The following ANAPC10 variants were observed in gnomAD, a reference collection of about 807,000 sequenced individuals.
ANAPC10 encodes the protein anaphase promoting complex subunit 10.
ANAPC10 carries 12 observed loss-of-function variants against 22.0 expected under a neutral mutation model. The ratio of observed to expected loss-of-function variants is 0.55; its 90% confidence interval spans 0.35 to 0.88. The LOEUF is 0.88. ANAPC10 is among the 40% of genes least tolerant of loss of function. The pLI is 0.01. For synonymous variants in ANAPC10, 65 were observed against 69.5 expected, an observed-to-expected ratio of 0.94 and a Z score of 0.32; for missense variants, 188 against 220.9, an observed-to-expected ratio of 0.85 and a Z score of 0.94.
At chr4:145,072,946 G>A (rs1270550655) in intron 3 of ANAPC10, among the ~76,000 whole-genome samples, 1 of 150,934 alleles carries the variant, frequency 6.6e-6, no homozygotes, top group Non-Finnish European at 1.5e-5. Flanking sequence ...CACCCAGGCT[G>A]GAGTGCAGTG....
At chr4:145,046,634 C>T (rs566569449) in intron 4 of ANAPC10, among the ~76,000 whole-genome samples, 2 of 152,164 alleles carry the variant, frequency 1.3e-5, no homozygotes, top group African/African-American at 4.8e-5. Context: ...GCCACTGATG[C>T]TGTAGTTTCA....
chr4:145,092,097 T>C (rs547933189), intron 2 of ANAPC10, among the ~76,000 whole-genome samples: 2 of 152,076 alleles, frequency 1.3e-5, no homozygotes, highest in South Asian at 2.1e-4. Flanking sequence ...TTCTCGCTTA[T>C]AAATAGGAGC....
At chr4:145,079,128 C>T (rs868512946) in intron 3 of ANAPC10, among the ~76,000 whole-genome samples, 6 of 152,164 alleles carry the variant, frequency 3.9e-5, no homozygotes, top group Middle Eastern at 3.4e-3. Flanking sequence ...TATTTGCAAA[C>T]TATGCATCTG....
chr4:145,094,547 T>A (rs1748196132), intron 2 of ANAPC10, among the ~76,000 whole-genome samples: 1 of 152,080 alleles, frequency 6.6e-6, no homozygotes, highest in South Asian at 2.1e-4. Flanking sequence ...CAGAAGAGGC[T>A]TGGTTGAGAG....
chr4:145,092,900 G>A (rs1198199965), intron 2 of ANAPC10, among the ~76,000 whole-genome samples: 3 of 152,120 alleles, frequency 2.0e-5, no homozygotes, highest in Non-Finnish European at 4.4e-5. Flanking sequence ...CTGAGAGAGG[G>A]GCAAACAACA....
intron 3 of ANAPC10, among the ~76,000 whole-genome samples, chr4:145,078,372 A>G (rs1385256241): frequency 1.3e-5 from 2 of 152,222 alleles, no homozygotes; most frequent in African/African-American, 4.8e-5. Flanking sequence ...AAAATCAGAC[A>G]TGACACAAAC....
intron 4 of ANAPC10, among the ~76,000 whole-genome samples, chr4:145,009,558 A>C (rs1425360190): frequency 6.6e-6 from 1 of 152,182 alleles, no homozygotes; most frequent in African/African-American, 2.4e-5. Context: ...CCTGACAAAA[A>C]CAAGAAATGG....
At chr4:145,088,441 T>G (rs1268854448) in intron 2 of ANAPC10, among the ~76,000 whole-genome samples, 2 of 152,218 alleles carry the variant, frequency 1.3e-5, no homozygotes, top group African/African-American at 4.8e-5. Context: ...AAATTATTTA[T>G]TTTTTGACCC....
At position 145,095,904 on chromosome 4, in the gene ANAPC10, C is replaced by A; in HGVS notation, c.115+81G>T. On this transcript the variant is annotated intron_variant, in intron 2 of 4. Transcript: ENST00000507656. ...ATCCACTGGGAGTCCTGGAATGTAT[C>A]CCCTGGGATAAGGGGAGATGCCTGT... 5 of 1,586,754 alleles carry A rather than the reference C, an allele frequency of 3.2e-6. No homozygotes were observed. The South Asian group carries it at 3.3e-5, about 11-fold the overall frequency.
intron 4 of ANAPC10, chr4:145,032,950 A>T (rs932124056): frequency 6.6e-6 from 1 of 152,242 alleles, no homozygotes; most frequent in African/African-American, 2.4e-5. Flanking sequence ...TGCCTTATCC[A>T]TTGTCATGGT....
intron 2 of ANAPC10, among the ~76,000 whole-genome samples, chr4:145,087,272 C>T (rs1747035709): frequency 6.6e-6 from 1 of 152,178 alleles, no homozygotes; most frequent in South Asian, 2.1e-4. Context: ...AGCAGCCCAG[C>T]TTAGACTGCC....
At chr4:145,035,354 C>G (rs1738355062) in intron 4 of ANAPC10, 1 of 152,186 alleles carries the variant, frequency 6.6e-6, no homozygotes, top group South Asian at 2.1e-4. Context: ...CTCACAGAAT[C>G]CCCAAACAAG....
chr4:145,088,710 T>C (rs773029381), intron 2 of ANAPC10, among the ~76,000 whole-genome samples: 3 of 152,206 alleles, frequency 2.0e-5, no homozygotes, highest in Non-Finnish European at 4.4e-5. Context: ...TATCAACCAT[T>C]ATCCACAGTG....
At chr4:145,094,553 G>A (rs1748197248) in intron 2 of ANAPC10, among the ~76,000 whole-genome samples, 2 of 152,184 alleles carry the variant, frequency 1.3e-5, no homozygotes, top group Admixed American at 6.5e-5. Context: ...AGGCTTGGTT[G>A]AGAGGATGGA....
intron 4 of ANAPC10, among the ~76,000 whole-genome samples, chr4:145,025,999 G>A (rs1560838814): frequency 1.3e-5 from 2 of 152,084 alleles, no homozygotes; most frequent in Admixed American, 6.6e-5. Flanking sequence ...AGACTAGATG[G>A]CAGCACCTGA....
chr4:145,030,296 C>T (rs1028156268), intron 4 of ANAPC10, among the ~76,000 whole-genome samples: 4 of 152,178 alleles, frequency 2.6e-5, no homozygotes, highest in African/African-American at 4.8e-5. Context: ...ACCAGAACCC[C>T]TTGAATGAAG....
At chr4:145,094,333 AG>A (rs533309385) in intron 2 of ANAPC10, among the ~76,000 whole-genome samples, 158 of 152,332 alleles carry the variant, frequency 1.0e-3, no homozygotes, top group African/African-American at 3.4e-3. Context: ...GGAAAGGCCC[AG>A]AAGACTGACC....
intron 3 of ANAPC10, among the ~76,000 whole-genome samples, chr4:145,066,838 G>C (rs952800839): frequency 6.6e-6 from 1 of 151,578 alleles, no homozygotes; most frequent in African/African-American, 2.4e-5. Flanking sequence ...TAGTAGGAGG[G>C]AACAGTTGAA....
intron 4 of ANAPC10, among the ~76,000 whole-genome samples, chr4:145,052,878 ACT>A (rs1454635081): frequency 7.1e-6 from 1 of 141,718 alleles, no homozygotes; most frequent in Non-Finnish European, 1.5e-5. Context: ...ACAGAGCGAG[ACT>A]CTGTCTCAAA....
Sources: allele counts gnomAD v4.1 joint callset (sites outside exome capture counted in the v4.1 genomes callset), GRCh38; gene constraint gnomAD v4.1.1; transcripts MANE v1.5; gene names NCBI Gene and HGNC (gene_info 2026-07-23, HGNC 2026-07-21).